The following GYPE variants were observed in gnomAD, a reference collection of about 807,000 sequenced individuals.
GYPE encodes glycophorin E (MNS blood group), also known as glycophorin-E.
In GYPE, 8 loss-of-function variants were observed where a neutral mutation model predicts 11.6. The observed-to-expected ratio is 0.69, with a 90% confidence interval of 0.41 to 1.25. The LOEUF (loss-of-function observed/expected upper bound fraction) is 1.25, where lower values mean the gene tolerates loss of function less well. GYPE is among the 50% of genes most tolerant of loss of function. The pLI is 0.01. For synonymous variants in GYPE, 28 were observed against 29.6 expected, an observed-to-expected ratio of 0.94 and a Z score of 0.18; for missense variants, 90 against 92.8, an observed-to-expected ratio of 0.97 and a Z score of 0.12.
chr4:143,891,555 C>T (rs1311841926), intron 1 of GYPE, among the ~76,000 whole-genome samples: 3 of 151,796 alleles, frequency 2.0e-5, no homozygotes, highest in African/African-American at 7.3e-5. Context: ...ATCTTGATCT[C>T]CTGACCTCAT....
intron 1 of GYPE, among the ~76,000 whole-genome samples, chr4:143,894,818 G>C (rs1444420113): frequency 6.6e-6 from 1 of 151,976 alleles, no homozygotes; most frequent in Admixed American, 6.6e-5. Context: ...GATCAAGTGG[G>C]CTTCATCCCT....
chr4:143,876,166 T>G (rs1367636931), intron 3 of GYPE, among the ~76,000 whole-genome samples: 2 of 152,062 alleles, frequency 1.3e-5, no homozygotes, highest in Admixed American at 1.3e-4. Flanking sequence ...CAAGCTGGAG[T>G]GCAGTAGCAT....
chr4:143,891,494 A>C (rs1196260744), intron 1 of GYPE, among the ~76,000 whole-genome samples: 2 of 151,396 alleles, frequency 1.3e-5, no homozygotes, highest in Non-Finnish European at 2.9e-5. Flanking sequence ...AAGCCTGACT[A>C]ATTTTTTGTA....
chr4:143,894,382 T>A (rs12649625), intron 1 of GYPE, among the ~76,000 whole-genome samples: 1 of 151,830 alleles, frequency 6.6e-6, no homozygotes, highest in Non-Finnish European at 1.5e-5. Flanking sequence ...GGAGGAGAGG[T>A]GCTCTGCTTT....
intron 1 of GYPE, among the ~76,000 whole-genome samples, chr4:143,896,578 C>A (rs1744648967): frequency 6.6e-6 from 1 of 152,176 alleles, no homozygotes; most frequent in African/African-American, 2.4e-5. Flanking sequence ...ACTAGTTCAA[C>A]CATTGTGGAA....
Position 143,881,670 on chromosome 4 carries a change from A to G in GYPE, c.38-1161T>C, listed in dbSNP as rs890934266. On this transcript the variant is annotated intron_variant, in intron 1 of 3. Transcript: ENST00000358615. The stretch of plus-strand genomic sequence containing the variant: ...TTTTATGACTGCAAAGTATTCCATT[A>G]TATGAATGTTCTGTGGTTTATTTTT... Among the ~76,000 whole-genome samples, 168 of 152,318 alleles carry G rather than the reference A, an allele frequency of 1.1e-3. 1 individual carries two copies. The highest frequency in any genetic ancestry group is 6.8e-3 in the Middle Eastern group (2 of 294).
At chr4:143,896,880 C>A (rs1434834843) in intron 1 of GYPE, among the ~76,000 whole-genome samples, 1 of 152,048 alleles carries the variant, frequency 6.6e-6, no homozygotes, top group Non-Finnish European at 1.5e-5. Flanking sequence ...AACTGGAAAT[C>A]ATCATTCTCA....
chr4:143,896,310 A>T (rs1744632805), intron 1 of GYPE, among the ~76,000 whole-genome samples: 1 of 152,174 alleles, frequency 6.6e-6, no homozygotes, highest in Non-Finnish European at 1.5e-5. Flanking sequence ...CAAATTTACA[A>T]GAAAAAAACA....
At position 143,895,453 on chromosome 4, in the gene GYPE, T is replaced by C. The variant is rs185813765; in HGVS notation, c.37+10018A>G. ...ACCTAGGAATCCAACTTACAAGGGA[T>C]GTTAAGGACCTCTTCAAGGAGAACT... On this transcript the variant is annotated intron_variant, in intron 1 of 3. Coordinates refer to ENST00000358615, the MANE Select transcript of GYPE (RefSeq NM_198682.3). Among the ~76,000 whole-genome samples the C allele has an allele frequency of 2.7e-5, 4 of 150,872 alleles. No individual in the cohort carries two copies. The South Asian group carries it at 8.4e-4, about 32-fold the overall frequency.
chr4:143,901,470 GA>G (rs1744866007), intron 1 of GYPE, among the ~76,000 whole-genome samples: 1 of 16,692 alleles, frequency 6.0e-5, no homozygotes, highest in African/African-American at 6.5e-5. Context: ...GATACACCCG[GA>G]ATTTTTTTTT....
intron 1 of GYPE, among the ~76,000 whole-genome samples, chr4:143,899,111 T>TA (rs1411270831): frequency 1.4e-5 from 2 of 147,506 alleles, no homozygotes; most frequent in Non-Finnish European, 3.0e-5. Flanking sequence ...GCCACACAGT[T>TA]AGAGTTCCTT....
chr4:143,900,116 T>G lies in GYPE; in HGVS notation c.37+5355A>C, dbSNP rs994965286. 1.1e-3 allele frequency among the ~76,000 whole-genome samples: 168 copies of G among 151,758 alleles called. 1 individual carries two copies. The highest frequency in any genetic ancestry group is 6.8e-3 in the Middle Eastern group (2 of 294). On this transcript the variant is annotated intron_variant, in intron 1 of 3. Coordinates refer to ENST00000358615, the MANE Select transcript of GYPE (RefSeq NM_198682.3). ...TTAGCAACAGAAAGACAAAAATAGA[T>G]TTAAAAATGGGTGAAGGACTAGAAC...
intron 3 of GYPE, among the ~76,000 whole-genome samples, chr4:143,872,859 T>C (rs1218470066): frequency 7.8e-6 from 1 of 128,592 alleles, no homozygotes; most frequent in Non-Finnish European, 1.6e-5. Context: ...TGCAACCAAA[T>C]GACAGGAGAG....
At chr4:143,890,266 C>T (rs530269438) in intron 1 of GYPE, among the ~76,000 whole-genome samples, 159 of 152,204 alleles carry the variant, frequency 1.0e-3, no homozygotes, top group African/African-American at 3.8e-3. Flanking sequence ...TCCAGCCAAG[C>T]ATATTCCAAT....
intron 1 of GYPE, among the ~76,000 whole-genome samples, chr4:143,901,342 C>G (rs1744857519): frequency 6.6e-6 from 1 of 152,044 alleles, no homozygotes; most frequent in South Asian, 2.1e-4. Flanking sequence ...GTTCGATTTA[C>G]TTTTTAAAAT....
chr4:143,878,650 A>C, intron 2 of GYPE: 1 of 488,164 alleles, frequency 2.0e-6, no homozygotes, highest in Non-Finnish European at 4.3e-6. Flanking sequence ...TGCTTCAGGG[A>C]AACGATGGAC....
intron 3 of GYPE, among the ~76,000 whole-genome samples, chr4:143,874,316 A>G (rs1180600540): frequency 1.3e-5 from 2 of 151,974 alleles, no homozygotes; most frequent in Non-Finnish European, 2.9e-5. Context: ...TCACCCACAG[A>G]AAGAACTTTT....
At chr4:143,889,465 A>T (rs1487526334) in intron 1 of GYPE, among the ~76,000 whole-genome samples, 2 of 152,060 alleles carry the variant, frequency 1.3e-5, no homozygotes, top group Non-Finnish European at 2.9e-5. Context: ...AAATTATCTG[A>T]GCCTCAGTTT....
intron 1 of GYPE, among the ~76,000 whole-genome samples, chr4:143,890,940 T>C (rs1360460352): frequency 6.6e-6 from 1 of 151,858 alleles, no homozygotes; most frequent in Non-Finnish European, 1.5e-5. Context: ...GCCTGAGTGT[T>C]TGGCCTGCAG....
Sources: gnomAD v4.1 joint callset for allele counts (sites outside exome capture counted in the v4.1 genomes callset) on GRCh38, gnomAD v4.1.1 for gene constraint, MANE v1.5 for transcripts, NCBI Gene and HGNC (gene_info 2026-07-23, HGNC 2026-07-21) for gene names.